CSRNP1: variants seen among roughly 807,000 people sequenced by gnomAD.
The protein encoded by CSRNP1 is cysteine/serine-rich nuclear protein 1.
CSRNP1 carries 8 observed loss-of-function variants against 25.0 expected under a neutral mutation model. The ratio of observed to expected loss-of-function variants is 0.32; its 90% CI spans 0.19 to 0.58. CSRNP1 has a LOEUF of 0.58. Ranked by LOEUF, CSRNP1 falls within the 20% of genes least tolerant of loss-of-function variation. The probability of loss-of-function intolerance (pLI) is 0.88; values close to 1 mark genes in which losing one functional copy is unlikely to be tolerated. For synonymous variants in CSRNP1, 305 were observed against 303.1 expected (o/e 1.01, Z -0.06); for missense variants, 691 against 773.1 (o/e 0.89, Z 1.26).
At chr3:39,145,283 G>A in intron 2 of CSRNP1, 27 bp from the exon 3 acceptor site, 1 of 1,537,068 alleles carries the variant, frequency 6.5e-7, no homozygotes, top group Non-Finnish European at 8.8e-7. Flanking sequence ...GATGGGCTGG[G>A]GATTAGTTTT....
chr3:39,143,023 T>C lies in CSRNP1; in HGVS notation c.*32A>G. On this transcript the variant is annotated 3_prime_UTR_variant, in exon 5 of 5. Transcript: ENST00000273153. ...ATAATTACAAGAAAGCAGCAACAGG[T>C]CTCTTGGGGCTGGGAAAAGACATCC... 1 of 1,526,090 alleles carries C rather than the reference T, an allele frequency of 6.6e-7. No individual in the cohort carries two copies. 94.5% of individuals were successfully genotyped at this position (1,526,090 alleles called of 1,614,324 possible).
chr3:39,143,811 G>A lies in CSRNP1; in HGVS notation c.1014C>T (p.Pro338=). 6.2e-7 allele frequency: 1 copy of A among 1,614,230 alleles called. No individual in the cohort carries two copies. Among genetic ancestry groups the A allele is most frequent in the Non-Finnish European group, 8.5e-7 (1 of 1,180,030 alleles). The stretch of plus-strand genomic sequence containing the variant: ...TGTTGTCTCCCAGCTCATTGTTCAT[G>A]GGGGGCTTGGCCAGTGGGAAAGTAG... ...LVPTFPLAKP[P]MNNELGDNSC... is the part of the protein sequence containing the mutation. Residue 338 remains proline, a synonymous_variant, in exon 5 of 5, where the codon CCC becomes CCT. Coordinates refer to ENST00000273153, the MANE Select transcript of CSRNP1 (RefSeq NM_033027.4).
chr3:39,148,954 G>C (rs770908405), intron 1 of CSRNP1: 3 of 152,266 alleles, frequency 2.0e-5, no homozygotes, highest in Non-Finnish European at 4.4e-5. Flanking sequence ...TGGCTCCACT[G>C]TTACTTGGCT....
rs1328562199 is a variant in CSRNP1 at position 39,143,613 on chromosome 3, C to G, written c.1212G>C (p.Gly404=). ...ILSFSDSDFG[G]EEEEEEEGSV... ...TCCCTTCCTCCTCTTCCTCCTCCTC[C>G]CCACCGAAGTCAGAGTCACTGAAAC... Residue 404 remains glycine, a synonymous_variant, in exon 5 of 5, where the codon GGG becomes GGC. Coordinates refer to ENST00000273153, the MANE Select transcript of CSRNP1 (RefSeq NM_033027.4). The G allele has an allele frequency of 6.2e-7, 1 of 1,613,994 alleles. No homozygotes were observed. Among genetic ancestry groups the G allele is most frequent in the Non-Finnish European group, 8.5e-7 (1 of 1,180,024 alleles).
Position 39,145,260 on chromosome 3 carries a change from G to A in CSRNP1, c.206-4C>T. 1 of 1,566,398 alleles carries A rather than the reference G, an allele frequency of 6.4e-7. No individual in the cohort carries two copies. The highest frequency in any genetic ancestry group is 8.7e-7 in the Non-Finnish European group (1 of 1,151,728). ...GCCCGCTTCAGGATAGACAGGGCTA[G>A]AAAGCAGGCAAAGATGGGCTGGGGA... On this transcript the variant is annotated splice_polypyrimidine_tract_variant and splice_region_variant and intron_variant, in intron 2 of 4. Transcript: ENST00000273153.
At chr3:39,144,705 G>C (rs1280470469) in intron 3 of CSRNP1, among the ~76,000 whole-genome samples, 1 of 151,376 alleles carries the variant, frequency 6.6e-6, no homozygotes, top group Non-Finnish European at 1.5e-5. Context: ...TAACCAGACA[G>C]ATACGCACCC....
chr3:39,143,421 A>T lies in CSRNP1; in HGVS notation c.1404T>A (p.Gly468=). 1 of 1,614,146 alleles carries T rather than the reference A, an allele frequency of 6.2e-7. No individual in the cohort carries two copies. ...ANLDASCFLN[G]GLEGSREGSL... ...TGCCTTCCCTTGACCCTTCAAGGCCACCATTTAGGAAGCAGCTGGCATCCA... is the reference window on the plus strand; with the variant it reads ...TGCCTTCCCTTGACCCTTCAAGGCCTCCATTTAGGAAGCAGCTGGCATCCA... Residue 468 remains glycine (G), a synonymous_variant, in exon 5 of 5, where the codon GGT becomes GGA. Coordinates refer to ENST00000273153, the MANE Select transcript of CSRNP1 (RefSeq NM_033027.4).
chr3:39,142,766 C>G lies in CSRNP1; in HGVS notation c.*289G>C. The G allele has an allele frequency of 3.2e-6, 1 of 308,784 alleles. No homozygotes were observed. Among genetic ancestry groups the G allele is most frequent in the South Asian group, 7.4e-5 (1 of 13,494 alleles). The allele number at this position is 308,784 out of a possible 1,614,324, so 19.1% of individuals were successfully genotyped here. ...GTGGTCTGCCAAGCTCCAGAGGAGC[C>G]ACATTTTCTCCTCTTCCAGGCTCAC... On this transcript the variant is annotated 3_prime_UTR_variant, in exon 5 of 5. Transcript: ENST00000273153.
chr3:39,148,671 C>G (rs1408070311), intron 1 of CSRNP1: 2 of 152,408 alleles, frequency 1.3e-5, no homozygotes, highest in Non-Finnish European at 1.5e-5. Flanking sequence ...ACAGCCCCAC[C>G]ACCCACCCAG....
In CSRNP1 at chr3:39,143,618, C is replaced by A. The variant is rs767549459; in HGVS notation, c.1207G>T (p.Gly403Cys). ...RILSFSDSDF[G>C]GEEEEEEEGS... ...TCCTCCTCTTCCTCCTCCTCCCCACCGAAGTCAGAGTCACTGAAACTCAAG... is the reference window on the plus strand; with the variant it reads ...TCCTCCTCTTCCTCCTCCTCCCCACAGAAGTCAGAGTCACTGAAACTCAAG... Residue 403 changes from glycine to cysteine, a missense_variant, in exon 5 of 5, where the codon GGT becomes TGT. Physicochemically the swap from Gly to Cys is radical, Grantham distance 159. Coordinates refer to ENST00000273153, the MANE Select transcript of CSRNP1 (RefSeq NM_033027.4). 1.2e-6 allele frequency: 2 copies of A among 1,614,138 alleles called. No homozygotes were observed. The highest frequency in any genetic ancestry group is 1.7e-5 in the Admixed American group (1 of 60,028).
At position 39,145,017 on chromosome 3, in the gene CSRNP1, A is replaced by G. The variant is rs2125885834; in HGVS notation, c.445T>C (p.Leu149=). The G allele has an allele frequency of 6.2e-7, 1 of 1,611,160 alleles. No homozygotes were observed. ...KLRQRLKEEK[L]EMLQWKLSAA... ...TCTACCTTCCACTGCAGCATCTCCAACTTCTCCTCTTTCAAGCGCTGGCGG... is the reference window on the plus strand; with the variant it reads ...TCTACCTTCCACTGCAGCATCTCCAGCTTCTCCTCTTTCAAGCGCTGGCGG... The change falls in exon 3 of 5, where the codon TTG becomes CTG. Residue 149 remains leucine, a synonymous_variant. Transcript: ENST00000273153.
chr3:39,143,353 C>T lies in CSRNP1; in HGVS notation c.1472G>A (p.Arg491Gln), dbSNP rs199566978. Residue 491 changes from arginine (R) to glutamine (Q), a missense_variant, in exon 5 of 5, where the codon CGG becomes CAG. Arg to Gln is a conservative substitution (Grantham distance 43). Transcript: ENST00000273153. ...TSVPPSMDAG[R>Q]SSSVDLSLSS... Reference sequence around the variant, plus strand: ...CAAGCTGAGATCCACTGAGCTACTCCGGCCAGCGTCCATGCTGGGTGGCAC... The same window carrying T: ...CAAGCTGAGATCCACTGAGCTACTCTGGCCAGCGTCCATGCTGGGTGGCAC... The T allele has an allele frequency of 5.0e-5, 80 of 1,614,202 alleles. No homozygotes were observed. Among genetic ancestry groups the T allele is most frequent in the South Asian group, 1.6e-4 (15 of 91,086 alleles).
In CSRNP1 at chr3:39,142,708, T is replaced by G; in HGVS notation, c.*347A>C. On this transcript the variant is annotated 3_prime_UTR_variant, in exon 5 of 5. Coordinates refer to ENST00000273153, the MANE Select transcript of CSRNP1 (RefSeq NM_033027.4). ...TGATTTCAGCCCTGTCTCACCGTCTTTGGGCTAAGGAACATCACGCAAAGA... is the reference window on the plus strand; with the variant it reads ...TGATTTCAGCCCTGTCTCACCGTCTGTGGGCTAAGGAACATCACGCAAAGA... The G allele has an allele frequency of 5.1e-6, 1 of 194,976 alleles. No homozygotes were observed. Among genetic ancestry groups the G allele is most frequent in the Non-Finnish European group, 1.1e-5 (1 of 94,966 alleles). 12.1% of individuals were successfully genotyped at this position (194,976 alleles called of 1,614,324 possible).
At chr3:39,144,971 T>C (rs1215191331) in intron 3 of CSRNP1, 26 bp downstream of exon 3, 1 of 1,574,402 alleles carries the variant, frequency 6.4e-7, no homozygotes, top group Non-Finnish European at 8.6e-7. Context: ...CCTCAGGAGG[T>C]GCGCCACGGA....
In CSRNP1 at chr3:39,144,447, G is replaced by A. The variant is rs781483967; in HGVS notation, c.470C>T (p.Ser157Leu). 7.5e-6 allele frequency: 12 copies of A among 1,600,466 alleles called. No individual in the cohort carries two copies. The highest frequency in any genetic ancestry group is 1.7e-5 in the Admixed American group (1 of 59,740). The change falls in exon 4 of 5, where the codon TCG (serine) becomes TTG (leucine). Residue 157 changes from serine (S) to leucine (L), a missense_variant. Transcript: ENST00000273153. Reference sequence around the variant, plus strand: ...CTCTGCCTGGGGTACCCCAGCTGCCGAAAGCTGCATCCACAGGAAAGAGGG... The same window carrying A: ...CTCTGCCTGGGGTACCCCAGCTGCCAAAAGCTGCATCCACAGGAAAGAGGG... The part of the protein sequence containing the change: ...EKLEMLQWKL[S>L]AAGVPQAEAG...
At position 39,142,897 on chromosome 3, in the gene CSRNP1, T is replaced by A; in HGVS notation, c.*158A>T. ...TTCAGCACAGAAAAGTTAAAACAAA[T>A]AAATAAATCCAGAGAATTGTTTGAA... On this transcript the variant is annotated 3_prime_UTR_variant, in exon 5 of 5. Transcript: ENST00000273153. 1 of 879,688 alleles carries A rather than the reference T, an allele frequency of 1.1e-6. No homozygotes were observed. Among genetic ancestry groups the A allele is most frequent in the Non-Finnish European group, 1.7e-6 (1 of 592,962 alleles). 54.5% of individuals were successfully genotyped at this position (879,688 alleles called of 1,614,324 possible). A position where few individuals can be genotyped will look rare whatever the true frequency, so the allele number is the denominator to read the frequency against.
rs755544486 is a variant in CSRNP1, at chr3:39,143,862, G to A, written c.963C>T (p.Pro321=). ...ELEAPAQGSP[P]SPGEEALVPT... is the part of the protein sequence containing the mutation. The stretch of plus-strand genomic sequence containing the variant: ...GGACCAGGGCCTCCTCACCAGGGCT[G>A]GGTGGGCTGCCCTGGGCAGGGGCCT... Residue 321 remains proline (P), a synonymous_variant, in exon 5 of 5, where the codon CCC becomes CCT. Transcript: ENST00000273153. The A allele has an allele frequency of 5.6e-6, 9 of 1,614,128 alleles. No homozygotes were observed. In the African/African-American group the frequency reaches 1.1e-4, roughly 19 times the overall value.
intron 2 of CSRNP1, 111 bp downstream of exon 2, chr3:39,146,367 G>C: frequency 7.5e-7 from 1 of 1,331,778 alleles, no homozygotes; most frequent in Non-Finnish European, 1.0e-6. Flanking sequence ...GAGAGCTACC[G>C]CCATGGGGAC....
At position 39,142,921 on chromosome 3, in the gene CSRNP1, A is replaced by G; in HGVS notation, c.*134T>C. On this transcript the variant is annotated 3_prime_UTR_variant, in exon 5 of 5. Transcript: ENST00000273153. ...ATAAATAAATCCAGAGAATTGTTTG[A>G]AAACCAGGAGTGTGCACATGGCACC... 1 of 986,366 alleles carries G rather than the reference A, an allele frequency of 1.0e-6. No homozygotes were observed. Among genetic ancestry groups the G allele is most frequent in the Non-Finnish European group, 1.5e-6 (1 of 671,720 alleles). The allele number at this position is 986,366 out of a possible 1,614,324, so 61.1% of individuals were successfully genotyped here. A position where few individuals can be genotyped will look rare whatever the true frequency, so the allele number is the denominator to read the frequency against.
Sources: gnomAD v4.1 joint callset for allele counts (sites outside exome capture counted in the v4.1 genomes callset) on GRCh38, gnomAD v4.1.1 for gene constraint, MANE v1.5 for transcripts, NCBI Gene and HGNC (gene_info 2026-07-23, HGNC 2026-07-21) for gene names.